ANK3: variants seen among roughly 807,000 people sequenced by gnomAD.
ANK3 encodes ankyrin 3.
Under a neutral mutation model 370.9 loss-of-function variants are expected in ANK3, and 57 were observed. The observed-to-expected ratio is 0.15, with a 90% CI of 0.12 to 0.19. ANK3 has a LOEUF of 0.19. Among genes scored for constraint, ANK3 ranks in the 10% least tolerant of loss-of-function variants. ANK3 has a pLI of 1.00. For missense variants in ANK3, 4,439 were observed against 5,302.1 expected (o/e 0.84, Z 5.06); for synonymous variants, 1,929 against 1,946.3 (o/e 0.99, Z 0.23).
At position 60,186,478 on chromosome 10, in the gene ANK3, A is replaced by C. The variant is rs144370948; in HGVS notation, c.2085+237T>G. 289 of 552,126 alleles carry C rather than the reference A, an allele frequency of 5.2e-4. 3 individuals carry two copies. The East Asian group carries it at 7.7e-3, about 15-fold the overall frequency. The allele number at this position is 552,126 out of a possible 1,614,324, so 34.2% of individuals were successfully genotyped here. A position where few individuals can be genotyped will look rare whatever the true frequency, so the allele number is the denominator to read the frequency against. On this transcript the variant is annotated intron_variant, in intron 17 of 43. Coordinates refer to ENST00000280772, the MANE Select transcript of ANK3 (RefSeq NM_020987.5). ...CAGTCTACCCGCCTTGTCTTCCCAA[A>C]GTGCTAGGATTAAATGCCTGAGCCA...
At chr10:60,260,140 C>A (rs1009453115) in intron 7 of ANK3, among the ~76,000 whole-genome samples, 1 of 152,130 alleles carries the variant, frequency 6.6e-6, no homozygotes, top group African/African-American at 2.4e-5. Flanking sequence ...GTAAAATAAA[C>A]CCCTTTAAGT....
At chr10:60,250,757 G>C (rs1017011713) in intron 7 of ANK3, among the ~76,000 whole-genome samples, 1 of 152,144 alleles carries the variant, frequency 6.6e-6, no homozygotes, top group Non-Finnish European at 1.5e-5. Flanking sequence ...ATATGCTTTT[G>C]TCATAAGATC....
rs7922508 is a variant in ANK3 at position 60,653,427 on chromosome 10, A to T, written c.58-38203T>A. 3.2e-3 allele frequency among the ~76,000 whole-genome samples: 494 copies of T among 152,132 alleles called. 5 individuals carry two copies. Among genetic ancestry groups the T allele is most frequent in the African/African-American group, 0.012 (483 of 41,496 alleles). On this transcript the variant is annotated intron_variant, in intron 1 of 43. Coordinates refer to the ANK3 transcript ENST00000373827. ...TTAAAAGACTTTTATTCCCCCATTA[A>T]ATTGCCTTGATATTTTTGTTGAAAA...
chr10:60,246,286 A>AAAAAAAAAAAAAG (rs1565961708), intron 7 of ANK3, among the ~76,000 whole-genome samples: 1 of 123,462 alleles, frequency 8.1e-6, no homozygotes, highest in African/African-American at 2.6e-5. Context: ...AAAAAAGAAA[A>AAAAAAAAAAAAAG]AAGAAAAAAA....
chr10:60,090,356 A>C (rs1250522283), intron 28 of ANK3, among the ~76,000 whole-genome samples: 1 of 152,124 alleles, frequency 6.6e-6, no homozygotes, highest in Non-Finnish European at 1.5e-5. Context: ...ATTCAGGAAA[A>C]TATGGTTTCG....
intron 1 of ANK3, among the ~76,000 whole-genome samples, chr10:60,624,435 G>A (rs2078380569): frequency 6.6e-6 from 1 of 152,168 alleles, no homozygotes; most frequent in Admixed American, 6.5e-5. Context: ...CACTGGGAAA[G>A]AACAACTGGA....
chr10:60,561,441 G>T (rs544368436), intron 2 of ANK3, among the ~76,000 whole-genome samples: 2 of 152,088 alleles, frequency 1.3e-5, no homozygotes, highest in African/African-American at 2.4e-5. Context: ...AATTCCTCAC[G>T]TACATAAGGC....
intron 2 of ANK3, among the ~76,000 whole-genome samples, chr10:60,416,039 TCC>T (rs989244780): frequency 3.4e-5 from 5 of 149,000 alleles, no homozygotes; most frequent in African/African-American, 1.2e-4. Flanking sequence ...AGGATTAGTG[TCC>T]CTATTAAAAA....
chr10:60,063,079 A>G (rs1400294902), intron 40 of ANK3, 32 bp downstream of exon 40: 1 of 1,589,062 alleles, frequency 6.3e-7, no homozygotes, highest in Admixed American at 1.8e-5. Flanking sequence ...TTATCAAATG[A>G]TTAAATAAAT....
chr10:60,452,924 C>T (rs2064648183), intron 2 of ANK3, among the ~76,000 whole-genome samples: 1 of 152,212 alleles, frequency 6.6e-6, no homozygotes, highest in Non-Finnish European at 1.5e-5. Context: ...CACCAATCAT[C>T]CCAGCACACT....
intron 43 of ANK3, among the ~76,000 whole-genome samples, chr10:60,034,266 C>G (rs143191845): frequency 6.6e-6 from 1 of 152,160 alleles, no homozygotes; most frequent in East Asian, 1.9e-4. Context: ...ACCACCATGC[C>G]TGGCTAATTT....
At chr10:60,186,231 A>G in intron 17 of ANK3, among the ~76,000 whole-genome samples, 1 of 150,264 alleles carries the variant, frequency 6.7e-6, no homozygotes, top group African/African-American at 2.5e-5. Context: ...ACTTTATGTT[A>G]CTACAAAAAC....
intron 7 of ANK3, among the ~76,000 whole-genome samples, chr10:60,249,431 C>A (rs1177710): frequency 6.6e-6 from 1 of 152,184 alleles, no homozygotes; most frequent in Non-Finnish European, 1.5e-5. Flanking sequence ...TGTATCACTT[C>A]TGACAAACCT....
In ANK3 at chr10:60,086,738, A is replaced by G. The variant is rs2086777381; in HGVS notation, c.3687T>C (p.Gly1229=). Residue 1229 remains glycine (G), a synonymous_variant, in exon 30 of 44, where the codon GGT becomes GGC. Transcript: ENST00000280772. ...TIPVPPPSGE[G]VSNGYKGDTT... is the part of the protein sequence containing the mutation. ...TGTCCCCTTTGTATCCATTGGATACACCTTCTCCTGAGGGCGGGGGCACCG... is the reference window on the plus strand; with the variant it reads ...TGTCCCCTTTGTATCCATTGGATACGCCTTCTCCTGAGGGCGGGGGCACCG... 1.2e-6 allele frequency: 2 copies of G among 1,614,036 alleles called. No homozygotes were observed. Among genetic ancestry groups the G allele is most frequent in the Non-Finnish European group, 8.5e-7 (1 of 1,179,986 alleles).
intron 36 of ANK3, among the ~76,000 whole-genome samples, chr10:60,080,145 G>A (rs1180050709): frequency 1.3e-5 from 2 of 152,136 alleles, no homozygotes; most frequent in African/African-American, 2.4e-5. Flanking sequence ...TGAGAAAAAT[G>A]AGATGACAAA....
Position 60,350,965 on chromosome 10 carries a change from A to G in ANK3, c.114+38460T>C, listed in dbSNP as rs950261435. Among the ~76,000 whole-genome samples the G allele has an allele frequency of 4.7e-5, 7 of 149,588 alleles. No homozygotes were observed. The East Asian group carries it at 1.4e-3, about 29-fold the overall frequency. On this transcript the variant is annotated intron_variant, in intron 1 of 43. Coordinates refer to ENST00000280772, the MANE Select transcript of ANK3 (RefSeq NM_020987.5). The stretch of plus-strand genomic sequence containing the variant: ...AACTGCTTTATTGGTTTCATAGAGA[A>G]AAAAAAAAATCTCCTAAGCCGACTT...
At chr10:60,259,148 A>T (rs1037515525) in intron 7 of ANK3, among the ~76,000 whole-genome samples, 2 of 152,186 alleles carry the variant, frequency 1.3e-5, no homozygotes, top group Non-Finnish European at 2.9e-5. Flanking sequence ...GAAAGTGGAG[A>T]TGCTAGATTA....
chr10:60,173,992 C>T (rs1326174465), intron 18 of ANK3, among the ~76,000 whole-genome samples: 2 of 151,974 alleles, frequency 1.3e-5, no homozygotes, highest in African/African-American at 2.4e-5. Context: ...ATTTCAGAGC[C>T]CCTGTTCATA....
At chr10:60,541,730 TG>T (rs2076853852) in intron 2 of ANK3, among the ~76,000 whole-genome samples, 1 of 151,914 alleles carries the variant, frequency 6.6e-6, no homozygotes, top group Non-Finnish European at 1.5e-5. Flanking sequence ...AATATGGTTT[TG>T]GCAAACGAGG....
Sources: gnomAD v4.1 joint callset for allele counts (sites outside exome capture counted in the v4.1 genomes callset) on GRCh38, gnomAD v4.1.1 for gene constraint, MANE v1.5 for transcripts, NCBI Gene and HGNC (gene_info 2026-07-23, HGNC 2026-07-21) for gene names.